The following ZNF710 variants were observed in gnomAD, a reference collection of about 807,000 sequenced individuals.
The protein encoded by ZNF710 is zinc finger protein 710.
A neutral mutation model predicts 50.6 loss-of-function variants in ZNF710; 13 were observed. The observed-to-expected ratio is 0.26, with a 90% CI of 0.17 to 0.41. The LOEUF (loss-of-function observed/expected upper bound fraction) is 0.41. ZNF710 is among the 10% of genes least tolerant of loss of function. The probability of loss-of-function intolerance (pLI) is 1.00; values close to 1 mark genes in which losing one functional copy is unlikely to be tolerated. For synonymous variants in ZNF710, 383 were observed against 397.0 expected, an observed-to-expected ratio of 0.96 and a Z score of 0.42; for missense variants, 721 against 936.6, an observed-to-expected ratio of 0.77 and a Z score of 3.01.
In ZNF710 at chr15:90,001,608, A is replaced by C. The variant is rs1898011789; in HGVS notation, c.-35A>C. The C allele has an allele frequency of 7.0e-6, 1 of 143,734 alleles. No homozygotes were observed. Among genetic ancestry groups the C allele is most frequent in the African/African-American group, 2.5e-5 (1 of 39,746 alleles). The allele number at this position is 143,734 out of a possible 1,614,324, so 8.9% of individuals were successfully genotyped here. On this transcript the variant is annotated 5_prime_UTR_variant, in exon 1 of 5. Transcript: ENST00000268154. ...GCCCCAGCGCAGGAGCCGCGCCCGG[A>C]CCCAGGGTGAGTGTCCCGCGCGGCC...
chr15:90,073,882 C>T (rs1044697017), intron 3 of ZNF710, among the ~76,000 whole-genome samples: 4 of 148,256 alleles, frequency 2.7e-5, no homozygotes, highest in African/African-American at 9.9e-5. Flanking sequence ...CCCAGCTACT[C>T]GGGAGACTAA....
At chr15:90,005,190 C>G (rs78229783) in intron 1 of ZNF710, among the ~76,000 whole-genome samples, 3,274 of 152,190 alleles carry the variant, frequency 0.022, 118 homozygotes, top group African/African-American at 0.075. Flanking sequence ...AGAATAGGGT[C>G]TGATCTATAG....
At chr15:90,077,536 G>A (rs999620241) in intron 4 of ZNF710, among the ~76,000 whole-genome samples, 3 of 152,234 alleles carry the variant, frequency 2.0e-5, no homozygotes, top group East Asian at 3.9e-4. Context: ...GAGCCACTGC[G>A]CCTGGCCCCC....
chr15:90,038,736 T>TGTGTGTGTGTGC (rs1163149077), intron 1 of ZNF710, among the ~76,000 whole-genome samples: 3 of 149,494 alleles, frequency 2.0e-5, no homozygotes, highest in Non-Finnish European at 2.9e-5. Flanking sequence ...TGTGTGTGTG[T>TGTGTGTGTGTGC]GTGTGAGACA....
At chr15:90,051,386 C>A (rs998445286) in intron 1 of ZNF710, among the ~76,000 whole-genome samples, 2 of 152,196 alleles carry the variant, frequency 1.3e-5, no homozygotes, top group African/African-American at 4.8e-5. Flanking sequence ...GCAATCCCAG[C>A]ACTTTGGGAG....
chr15:90,004,139 G>T (rs577003597), intron 1 of ZNF710, among the ~76,000 whole-genome samples: 7 of 152,264 alleles, frequency 4.6e-5, no homozygotes, highest in African/African-American at 1.7e-4. Flanking sequence ...TCCTACCAGG[G>T]AGACTTATTT....
chr15:90,064,731 G>C (rs1009345775), intron 1 of ZNF710, among the ~76,000 whole-genome samples: 1 of 152,116 alleles, frequency 6.6e-6, no homozygotes, highest in Non-Finnish European at 1.5e-5. Context: ...CAAGTGATCT[G>C]CCCGCCTCAG....
intron 4 of ZNF710, among the ~76,000 whole-genome samples, chr15:90,079,270 T>C (rs1900664675): frequency 6.6e-6 from 1 of 152,074 alleles, no homozygotes; most frequent in African/African-American, 2.4e-5. Flanking sequence ...TGCTAATGAG[T>C]GCTGCAAAGG....
chr15:90,025,117 G>T (rs1308151788), intron 1 of ZNF710: 2 of 152,342 alleles, frequency 1.3e-5, no homozygotes, highest in African/African-American at 4.8e-5. Context: ...TCATTTGAGA[G>T]TAGGGGACGT....
At chr15:90,013,441 A>G (rs1898367921) in intron 1 of ZNF710, among the ~76,000 whole-genome samples, 2 of 152,202 alleles carry the variant, frequency 1.3e-5, no homozygotes, top group African/African-American at 4.8e-5. Context: ...TATGCTTATT[A>G]GGATTCTATC....
At chr15:90,061,148 C>CTTTT (rs1029151123) in intron 1 of ZNF710, among the ~76,000 whole-genome samples, 1 of 150,936 alleles carries the variant, frequency 6.6e-6, no homozygotes, top group Non-Finnish European at 1.5e-5. Flanking sequence ...TGCTTGCTTG[C>CTTTT]TTTTTCTTTA....
chr15:90,000,990 A>G (rs964824261), upstream of ZNF710, among the ~76,000 whole-genome samples: 1 of 152,170 alleles, frequency 6.6e-6, no homozygotes, highest in Non-Finnish European at 1.5e-5. Context: ...AGAGGAGAAA[A>G]AAAAAAGAGA....
chr15:90,042,352 C>T (rs549788072), intron 1 of ZNF710, among the ~76,000 whole-genome samples: 3 of 152,108 alleles, frequency 2.0e-5, no homozygotes, highest in South Asian at 2.1e-4. Flanking sequence ...GTGTCTCCCC[C>T]CCACCCCCTC....
chr15:90,048,849 C>T lies in ZNF710; in HGVS notation c.-28-18261C>T, dbSNP rs1033697546. On this transcript the variant is annotated intron_variant, in intron 1 of 4. Coordinates refer to ENST00000268154, the MANE Select transcript of ZNF710 (RefSeq NM_198526.4). ...CTGGGGCCCAAGGGACCCTCACAGC[C>T]CCACAGGCACTGGGGTTGAGATTGC... is the stretch of plus-strand genomic sequence containing the variant. Among the ~76,000 whole-genome samples, 2 of 152,158 alleles carry T rather than the reference C, an allele frequency of 1.3e-5. 1 individual carries two copies. Among genetic ancestry groups the T allele is most frequent in the Admixed American group, 1.3e-4 (2 of 15,274 alleles).
At chr15:90,047,100 A>T (rs989181243) in intron 1 of ZNF710, among the ~76,000 whole-genome samples, 1 of 152,064 alleles carries the variant, frequency 6.6e-6, no homozygotes, top group Non-Finnish European at 1.5e-5. Context: ...TAGAGATGAA[A>T]GAGGTTCTGG....
chr15:90,047,351 C>G (rs917936351), intron 1 of ZNF710, among the ~76,000 whole-genome samples: 4 of 152,224 alleles, frequency 2.6e-5, no homozygotes, highest in Non-Finnish European at 5.9e-5. Flanking sequence ...ACTGGTGAGG[C>G]AGGTGCTCTT....
rs905264076 is a variant in ZNF710, at chr15:90,073,395, T to C, written c.1650+133T>C. On this transcript the variant is annotated intron_variant, in intron 3 of 4. Coordinates refer to ENST00000268154, the MANE Select transcript of ZNF710 (RefSeq NM_198526.4). ...AAGAGGAGCCCCGGCTGGGTGAAAC[T>C]TAGCCTGGGCTTTGGGGGTTGGGAG... 13 of 1,053,736 alleles carry C rather than the reference T, an allele frequency of 1.2e-5. No individual in the cohort carries two copies. In the African/African-American group the frequency reaches 1.9e-4, roughly 15 times the overall value. The allele number at this position is 1,053,736 out of a possible 1,614,324, so 65.3% of individuals were successfully genotyped here.
At chr15:90,048,033 T>C (rs569715898) in intron 1 of ZNF710, among the ~76,000 whole-genome samples, 30 of 152,344 alleles carry the variant, frequency 2.0e-4, no homozygotes, top group Non-Finnish European at 2.9e-4. Flanking sequence ...GTACCAGCCA[T>C]AGGCTGCAGT....
chr15:90,073,349 G>A (rs144548534), intron 3 of ZNF710, 87 bp downstream of exon 3: 19,775 of 1,479,232 alleles, frequency 0.013, 175 homozygotes, highest in Non-Finnish European at 0.015. Flanking sequence ...CCCACCAAGC[G>A]CCAGCCTGGC....
Sources: gnomAD v4.1 joint callset for allele counts (sites outside exome capture counted in the v4.1 genomes callset) on GRCh38, gnomAD v4.1.1 for gene constraint, MANE v1.5 for transcripts, NCBI Gene and HGNC (gene_info 2026-07-23, HGNC 2026-07-21) for gene names.